Variants in HACD3 observed in about 807,000 individuals in gnomAD.
HACD3 encodes 3-hydroxyacyl-CoA dehydratase 3, also known as very-long-chain (3R)-3-hydroxyacyl-CoA dehydratase 3.
In HACD3, 30 loss-of-function variants were observed where a neutral mutation model predicts 55.2. That is an observed-to-expected ratio of 0.54 (90% CI 0.41 to 0.74). The LOEUF is 0.74. Among genes scored for constraint, HACD3 ranks in the 30% least tolerant of loss-of-function variants. HACD3 has a pLI of 0.00. For synonymous variants in HACD3, 141 were observed against 151.7 expected (o/e 0.93, Z 0.52); for missense variants, 363 against 440.1 (o/e 0.82, Z 1.57).
chr15:65,578,291 T>G lies in HACD3; in HGVS notation c.*1912T>G, dbSNP rs1041296124. 2 of 152,230 alleles carry G rather than the reference T, an allele frequency of 1.3e-5. No individual in the cohort carries two copies. Among genetic ancestry groups the G allele is most frequent in the Non-Finnish European group, 2.9e-5 (2 of 68,040 alleles). 9.4% of individuals were successfully genotyped at this position (152,230 alleles called of 1,614,324 possible). On this transcript the variant is annotated 3_prime_UTR_variant, in exon 11 of 11. Transcript: ENST00000261875. ...TCTTAGTGATTGTTACAAACCCCTT[T>G]ATTGCTGTCTGAGAAAGTGAAAGAT...
chr15:65,562,312 C>T (rs1015514182), intron 5 of HACD3, among the ~76,000 whole-genome samples: 1 of 152,164 alleles, frequency 6.6e-6, no homozygotes, highest in African/African-American at 2.4e-5. Context: ...AGATTAGAGT[C>T]GTGCCTTGGG....
chr15:65,561,475 A>AT (rs371344559), intron 5 of HACD3, among the ~76,000 whole-genome samples: 1 of 152,020 alleles, frequency 6.6e-6, no homozygotes, highest in Non-Finnish European at 1.5e-5. Context: ...CAAAAAAAAA[A>AT]GAAAAAAAAA....
intron 1 of HACD3, among the ~76,000 whole-genome samples, chr15:65,548,869 CTCTT>C (rs1201612836): frequency 6.6e-6 from 1 of 152,116 alleles, no homozygotes. Context: ...CCCAGCCACT[CTCTT>C]TCTCTTTTTA....
intron 10 of HACD3, among the ~76,000 whole-genome samples, chr15:65,575,079 T>G (rs1010928912): frequency 5.9e-5 from 9 of 152,238 alleles, no homozygotes; most frequent in African/African-American, 2.2e-4. Context: ...AATATGTAGT[T>G]GCTCTTTTCT....
intron 1 of HACD3, among the ~76,000 whole-genome samples, chr15:65,546,297 A>G (rs2072076433): frequency 1.3e-5 from 2 of 152,190 alleles, no homozygotes; most frequent in South Asian, 2.1e-4. Context: ...CTTTGAGACA[A>G]TTGTTCATGT....
intron 2 of HACD3, 85 bp downstream of exon 2, chr15:65,551,803 G>T: frequency 6.6e-7 from 1 of 1,510,542 alleles, no homozygotes; most frequent in South Asian, 1.2e-5. Flanking sequence ...AAATGTATTT[G>T]TCTTACTTGT....
chr15:65,556,649 A>G, intron 3 of HACD3, 90 bp from the exon 4 acceptor site: 2 of 1,296,412 alleles, frequency 1.5e-6, no homozygotes, highest in South Asian at 3.1e-5. Flanking sequence ...GAATAAATAT[A>G]TCCTGCAGCT....
At chr15:65,545,335 A>C (rs1219015121) in intron 1 of HACD3, among the ~76,000 whole-genome samples, 1 of 152,244 alleles carries the variant, frequency 6.6e-6, no homozygotes, top group African/African-American at 2.4e-5. Context: ...AGACAAATCC[A>C]GAATATGATA....
At chr15:65,544,208 T>C (rs1338226394) in intron 1 of HACD3, among the ~76,000 whole-genome samples, 2 of 151,842 alleles carry the variant, frequency 1.3e-5, no homozygotes, top group African/African-American at 4.8e-5. Flanking sequence ...AGAAAATCCG[T>C]GAGCCCATAG....
chr15:65,569,850 CAT>C (rs1460841864), intron 7 of HACD3, among the ~76,000 whole-genome samples: 20 of 152,298 alleles, frequency 1.3e-4, no homozygotes, highest in South Asian at 4.1e-4. Context: ...TGCGTTTGAA[CAT>C]GTGTCTGTAT....
rs1378807014 is a variant in HACD3 at position 65,530,605 on chromosome 15, C to G, written c.-27C>G. 5.8e-6 allele frequency: 9 copies of G among 1,550,276 alleles called. No individual in the cohort carries two copies. In the African/African-American group the frequency reaches 1.2e-4, roughly 21 times the overall value. ...AGGCAGCGAGGCGCAGCGAGCCTAG[C>G]CTCCCCGCGCCCTGGGCAGTGTGGC... On this transcript the variant is annotated 5_prime_UTR_variant, in exon 1 of 11. Transcript: ENST00000261875.
intron 7 of HACD3, among the ~76,000 whole-genome samples, chr15:65,568,957 A>G (rs1365482283): frequency 6.6e-6 from 1 of 152,044 alleles, no homozygotes; most frequent in Non-Finnish European, 1.5e-5. Flanking sequence ...ATCAACATAG[A>G]TGAGTCTTGG....
chr15:65,549,599 CA>C (rs5813363), intron 1 of HACD3, among the ~76,000 whole-genome samples: 1,440 of 42,478 alleles, frequency 0.034, 17 homozygotes, highest in African/African-American at 0.07. Flanking sequence ...GATTCCATCT[CA>C]AAAAAAAAAA....
chr15:65,565,536 C>T (rs2072282381), intron 7 of HACD3: 1 of 152,332 alleles, frequency 6.6e-6, no homozygotes, highest in Non-Finnish European at 1.5e-5. Flanking sequence ...GTGGAAGCTG[C>T]CAAGGCTTGG....
chr15:65,568,616 C>T, intron 7 of HACD3, among the ~76,000 whole-genome samples: 1 of 151,654 alleles, frequency 6.6e-6, no homozygotes, highest in East Asian at 2.0e-4. Flanking sequence ...GCCTCGGCCT[C>T]CCAAAGTGCT....
chr15:65,549,698 A>G (rs2072113998), intron 1 of HACD3, among the ~76,000 whole-genome samples: 1 of 152,108 alleles, frequency 6.6e-6, no homozygotes, highest in South Asian at 2.1e-4. Flanking sequence ...AGAGAGGACT[A>G]TACACTTAGG....
intron 10 of HACD3, among the ~76,000 whole-genome samples, chr15:65,573,578 A>G (rs1481636496): frequency 6.6e-6 from 1 of 150,448 alleles, no homozygotes; most frequent in Admixed American, 6.7e-5. Context: ...ACTGCACTCC[A>G]GCCTGTGTGA....
chr15:65,568,952 C>T (rs1313856364), intron 7 of HACD3, among the ~76,000 whole-genome samples: 1 of 152,026 alleles, frequency 6.6e-6, no homozygotes, highest in Non-Finnish European at 1.5e-5. Context: ...CATGCATCAA[C>T]ATAGATGAGT....
chr15:65,530,655 G>A lies in HACD3; in HGVS notation c.24G>A (p.Pro8=), dbSNP rs1284998139. ...CCATGGAGAATCAGGTGTTGACGCC[G>A]CATGTCTACTGGGCTCAGCGACACC... MENQVLT[P]HVYWAQRHRE... The change falls in exon 1 of 11, where the codon CCG becomes CCA. Residue 8 remains proline, a synonymous_variant. Coordinates refer to ENST00000261875, the MANE Select transcript of HACD3 (RefSeq NM_016395.4). 1.3e-6 allele frequency: 2 copies of A among 1,581,152 alleles called. No homozygotes were observed. The highest frequency in any genetic ancestry group is 1.7e-6 in the Non-Finnish European group (2 of 1,164,600).
Sources: allele counts gnomAD v4.1 joint callset (sites outside exome capture counted in the v4.1 genomes callset), GRCh38; gene constraint gnomAD v4.1.1; transcripts MANE v1.5; gene names NCBI Gene and HGNC (gene_info 2026-07-23, HGNC 2026-07-21).